Variants in ADAM10 observed in about 807,000 individuals in gnomAD.
ADAM10 encodes the protein disintegrin and metalloproteinase domain-containing protein 10.
In ADAM10, 17 loss-of-function variants were observed where a neutral mutation model predicts 90.1. The observed-to-expected ratio is 0.19, with a 90% CI of 0.13 to 0.28. The LOEUF is 0.28. Among genes scored for constraint, ADAM10 ranks in the 10% least tolerant of loss-of-function variants. ADAM10 has a pLI of 1.00. For synonymous variants in ADAM10, 310 were observed against 298.6 expected (o/e 1.04, Z -0.40); for missense variants, 610 against 914.3 (o/e 0.67, Z 4.29).
chr15:58,619,914 A>C (rs183012638), intron 11 of ADAM10, among the ~76,000 whole-genome samples: 9 of 151,906 alleles, frequency 5.9e-5, no homozygotes, highest in Non-Finnish European at 1.0e-4. Context: ...AAAAAAAAAA[A>C]TTTAAAAAAA....
chr15:58,739,287 A>T (rs1899526648), intron 1 of ADAM10, among the ~76,000 whole-genome samples: 1 of 151,650 alleles, frequency 6.6e-6, no homozygotes. Context: ...CAGGTGAATC[A>T]CGAGGTCAGG....
intron 1 of ADAM10, among the ~76,000 whole-genome samples, chr15:58,734,845 G>A (rs1595667456): frequency 6.6e-6 from 1 of 152,162 alleles, no homozygotes; most frequent in Non-Finnish European, 1.5e-5. Context: ...ACTTCTTATA[G>A]ACAGAAAAAT....
chr15:58,639,280 A>G (rs534418875), intron 8 of ADAM10, among the ~76,000 whole-genome samples: 1 of 152,234 alleles, frequency 6.6e-6, no homozygotes, highest in Non-Finnish European at 1.5e-5. Flanking sequence ...CTATGAACTT[A>G]TATTTCTAAC....
At chr15:58,610,939 T>C in intron 13 of ADAM10, 60 bp downstream of exon 13, 1 of 1,305,446 alleles carries the variant, frequency 7.7e-7, no homozygotes, top group Non-Finnish European at 1.1e-6. Flanking sequence ...ACACTTAAAA[T>C]TTAGGAGAAA....
intron 11 of ADAM10, among the ~76,000 whole-genome samples, chr15:58,615,294 A>C (rs1423390043): frequency 2.6e-5 from 4 of 151,982 alleles, no homozygotes; most frequent in East Asian, 1.9e-4. Context: ...AAAAAAAAAA[A>C]AAACCAGAAA....
chr15:58,679,095 A>G (rs765164929), intron 4 of ADAM10, 29 bp downstream of exon 4: 1 of 1,600,494 alleles, frequency 6.2e-7, no homozygotes. Context: ...CTTTTGAAAA[A>G]GGCTACTTGA....
Position 58,592,646 on chromosome 15 carries a change from A to C in ADAM10, c.*4901T>G, listed in dbSNP as rs1255308987. ...ACTCAATTTGACTTGCATTTGAATT[A>C]TGTCTAAAGCTAATCAACTGAATTA... is the stretch of plus-strand genomic sequence containing the variant. On this transcript the variant is annotated 3_prime_UTR_variant, in exon 16 of 16. Coordinates refer to ENST00000260408, the MANE Select transcript of ADAM10 (RefSeq NM_001110.4). 1.3e-5 allele frequency: 2 copies of C among 152,108 alleles called. No homozygotes were observed. Among genetic ancestry groups the C allele is most frequent in the Non-Finnish European group, 1.5e-5 (1 of 68,018 alleles). The allele number at this position is 152,108 out of a possible 1,614,324, so 9.4% of individuals were successfully genotyped here.
At position 58,717,678 on chromosome 15, in the gene ADAM10, T is replaced by G; in HGVS notation, c.105A>C (p.Leu35Phe). Reference protein sequence around the residue: ...LNKYIRHYEGLSYNVDSLHQK... With the variant: ...LNKYIRHYEGFSYNVDSLHQK... Reference sequence around the variant, plus strand: ...GGTGTAATGAATCCACATTGTAAGATAATCCTTCATAATGTCTGATATATT... The same window carrying G: ...GGTGTAATGAATCCACATTGTAAGAGAATCCTTCATAATGTCTGATATATT... Residue 35 changes from leucine (L) to phenylalanine (F), a missense_variant, in exon 2 of 16, where the codon TTA becomes TTC. Transcript: ENST00000260408. 6.2e-7 allele frequency: 1 copy of G among 1,613,622 alleles called. No homozygotes were observed. The highest frequency in any genetic ancestry group is 1.1e-5 in the South Asian group (1 of 91,064).
intron 10 of ADAM10, among the ~76,000 whole-genome samples, chr15:58,625,232 G>A (rs75793849): frequency 0.05 from 7,636 of 152,150 alleles, 655 homozygotes; most frequent in African/African-American, 0.17. Flanking sequence ...GCTACAGACT[G>A]GGAGAAAATA....
intron 5 of ADAM10, among the ~76,000 whole-genome samples, chr15:58,650,306 T>C (rs1896653458): frequency 1.3e-5 from 2 of 152,194 alleles, no homozygotes; most frequent in Admixed American, 6.6e-5. Flanking sequence ...GAAGTTGTGA[T>C]TGACACCTTT....
chr15:58,694,971 C>T (rs1381844123), intron 2 of ADAM10, among the ~76,000 whole-genome samples: 1 of 152,036 alleles, frequency 6.6e-6, no homozygotes, highest in Non-Finnish European at 1.5e-5. Context: ...ATGGCAGTTG[C>T]CTAAGTATAT....
chr15:58,726,857 G>T (rs186307623), intron 1 of ADAM10, among the ~76,000 whole-genome samples: 5 of 147,508 alleles, frequency 3.4e-5, no homozygotes, highest in Admixed American at 6.8e-5. Flanking sequence ...CTGGACAACA[G>T]AGAGAGATCT....
intron 9 of ADAM10, 82 bp from the exon 10 acceptor site, chr15:58,627,965 C>T: frequency 2.2e-6 from 3 of 1,375,368 alleles, no homozygotes; most frequent in Admixed American, 3.6e-5. Context: ...ATGTTCTCAT[C>T]AGGAAAACAA....
chr15:58,597,950 T>C (rs1356861934), intron 15 of ADAM10, among the ~76,000 whole-genome samples: 1 of 152,224 alleles, frequency 6.6e-6, no homozygotes, highest in African/African-American at 2.4e-5. Context: ...GTCTGGTATG[T>C]ATGTTAATTA....
chr15:58,636,333 G>A (rs1013093268), intron 8 of ADAM10, among the ~76,000 whole-genome samples: 1 of 151,804 alleles, frequency 6.6e-6, no homozygotes, highest in Non-Finnish European at 1.5e-5. Context: ...ATATGTTGGA[G>A]TAACTTGATT....
At chr15:58,649,122 C>G (rs1896624297) in intron 5 of ADAM10, among the ~76,000 whole-genome samples, 1 of 151,900 alleles carries the variant, frequency 6.6e-6, no homozygotes, top group Non-Finnish European at 1.5e-5. Flanking sequence ...ATTTGTCCTG[C>G]CTGTTCAATA....
intron 6 of ADAM10, among the ~76,000 whole-genome samples, chr15:58,645,370 T>C (rs1896520145): frequency 6.6e-6 from 1 of 152,234 alleles, no homozygotes; most frequent in East Asian, 1.9e-4. Flanking sequence ...CTCCAATTTC[T>C]TCTCCTTTGG....
chr15:58,615,511 T>C (rs1423150050), intron 11 of ADAM10, among the ~76,000 whole-genome samples: 1 of 152,108 alleles, frequency 6.6e-6, no homozygotes, highest in Non-Finnish European at 1.5e-5. Flanking sequence ...GGTCTTGCAC[T>C]CCTGCTCAAG....
chr15:58,676,334 G>A (rs374898289), intron 4 of ADAM10: 17 of 454,698 alleles, frequency 3.7e-5, no homozygotes, highest in South Asian at 1.2e-4. Flanking sequence ...ATCTCATAAC[G>A]TTATTTTGAG....
Sources: allele counts gnomAD v4.1 joint callset (sites outside exome capture counted in the v4.1 genomes callset), GRCh38; gene constraint gnomAD v4.1.1; transcripts MANE v1.5; gene names NCBI Gene and HGNC (gene_info 2026-07-23, HGNC 2026-07-21).